The following RTL9 variants were observed in gnomAD, a reference collection of about 807,000 sequenced individuals.
The protein encoded by RTL9 is retrotransposon Gag-like protein 9.
Under a neutral mutation model 44.7 loss-of-function variants are expected in RTL9, and 19 were observed. The observed-to-expected ratio is 0.42, with a 90% confidence interval of 0.30 to 0.62. The LOEUF (loss-of-function observed/expected upper bound fraction) is 0.62, where lower values mean the gene tolerates loss of function less well. Among genes scored for constraint, RTL9 ranks in the 20% least tolerant of loss-of-function variants. The pLI, the probability that RTL9 is intolerant of heterozygous loss-of-function variation, is 0.16. For synonymous variants in RTL9, 407 were observed against 398.9 expected (o/e 1.02, Z -0.24); for missense variants, 1,105 against 1,080.6 (o/e 1.02, Z -0.32).
At chrX:110,452,286 A>G in exon 1 of RTL9, 2 of 1,211,632 alleles carry the variant, frequency 1.7e-6, no homozygotes, top group Non-Finnish European at 2.2e-6. Flanking sequence ...AATGAGAACC[A>G]TGGCCTCAGG....
At chrX:110,378,516 C>G (rs2068395107) in intron 1 of RTL9, among the ~76,000 whole-genome samples, 1 of 112,123 alleles carries the variant, frequency 8.9e-6, no homozygotes, top group Admixed American at 9.4e-5. Flanking sequence ...CTCATCCTGG[C>G]ATTCGAAGCT....
At chrX:110,417,202 C>T (rs916731495), upstream of RTL9, among the ~76,000 whole-genome samples, 1 of 112,281 alleles carries the variant, frequency 8.9e-6, no homozygotes, top group Non-Finnish European at 1.9e-5. Flanking sequence ...CCTCATTCCC[C>T]AGAGCCAGGC....
At chrX:110,399,198 G>T (rs1266455268) in intron 1 of RTL9, among the ~76,000 whole-genome samples, 1 of 112,429 alleles carries the variant, frequency 8.9e-6, no homozygotes, top group Non-Finnish European at 1.9e-5. Flanking sequence ...ACTCTCCTAA[G>T]CACATTCCAC....
intron 1 of RTL9, among the ~76,000 whole-genome samples, chrX:110,378,698 C>G (rs934243265): frequency 3.6e-5 from 4 of 112,025 alleles, no homozygotes; most frequent in African/African-American, 1.3e-4. Flanking sequence ...ACAGAGATCT[C>G]CGTTCATCAG....
intron 1 of RTL9, among the ~76,000 whole-genome samples, chrX:110,433,224 AC>A (rs1297583039): frequency 8.9e-6 from 1 of 112,617 alleles, no homozygotes; most frequent in Non-Finnish European, 1.9e-5. Context: ...CTATGTGCCC[AC>A]CACTGTGCTG....
intron 1 of RTL9, among the ~76,000 whole-genome samples, chrX:110,387,857 CTTTTT>C (rs57937918): frequency 1.2e-5 from 1 of 82,808 alleles, no homozygotes; most frequent in African/African-American, 5.3e-5. Context: ...CTCCCTCTCT[CTTTTT>C]TTTTTTTTTT....
Position 110,443,899 on chromosome X carries a change from G to T in RTL9, c.-167-1254G>T, listed in dbSNP as rs772472958. ...CATAGAGGTTCTTCTCAGCCCCAGA[G>T]AATTTGTGTAAGAATCCTGTCCATG... On this transcript the variant is annotated intron_variant, in intron 1 of 3. Coordinates refer to the RTL9 transcript ENST00000465301. 3.6e-5 allele frequency among the ~76,000 whole-genome samples: 4 copies of T among 112,376 alleles called. No homozygotes were observed. In the South Asian group the frequency reaches 1.5e-3, roughly 42 times the overall value.
chrX:110,404,050 C>T (rs1013874538), intron 1 of RTL9, among the ~76,000 whole-genome samples: 10 of 112,465 alleles, frequency 8.9e-5, no homozygotes, highest in Non-Finnish European at 1.7e-4. Flanking sequence ...GAATGAAGAA[C>T]GAACAGTCTT....
At chrX:110,367,841 C>T (rs775584841) in intron 1 of RTL9, among the ~76,000 whole-genome samples, 1 of 109,961 alleles carries the variant, frequency 9.1e-6, no homozygotes, top group South Asian at 3.9e-4. Flanking sequence ...CAGCATCTCA[C>T]ACTGTCACCC....
At chrX:110,416,006 CAAA>C (rs58422043), upstream of RTL9, among the ~76,000 whole-genome samples, 671 of 74,363 alleles carry the variant, frequency 9.0e-3, 5 homozygotes, top group African/African-American at 0.029. Context: ...CCAGAAGAGG[CAAA>C]AAAAAAAAAA....
chrX:110,452,476 C>T, exon 1 of RTL9: 2 of 1,211,616 alleles, frequency 1.7e-6, no homozygotes, highest in Non-Finnish European at 1.1e-6. Flanking sequence ...CCACTAATGA[C>T]ACCCAAAGCC....
chrX:110,399,427 G>A (rs761290554), intron 1 of RTL9, among the ~76,000 whole-genome samples: 3 of 112,378 alleles, frequency 2.7e-5, no homozygotes, highest in Non-Finnish European at 3.8e-5. Context: ...TTGAATTTGC[G>A]CTCACAGCAG....
At chrX:110,433,282 A>G (rs1240174766) in intron 1 of RTL9, among the ~76,000 whole-genome samples, 1 of 112,563 alleles carries the variant, frequency 8.9e-6, no homozygotes, top group Non-Finnish European at 1.9e-5. Context: ...CCGTATCCTC[A>G]AAGAAGTGAT....
At chrX:110,452,479 C>A in exon 1 of RTL9, 1 of 1,211,603 alleles carries the variant, frequency 8.3e-7, no homozygotes, top group Non-Finnish European at 1.1e-6. Flanking sequence ...CTAATGACAC[C>A]CAAAGCCTCA....
chrX:110,405,097 C>CA (rs1463304651), intron 1 of RTL9, among the ~76,000 whole-genome samples: 1 of 101,211 alleles, frequency 9.9e-6, no homozygotes, highest in African/African-American at 3.6e-5. Flanking sequence ...GTCCCCCCCC[C>CA]CCCCAAGCAT....
At chrX:110,383,933 G>A (rs886844090) in intron 1 of RTL9, among the ~76,000 whole-genome samples, 1 of 111,694 alleles carries the variant, frequency 9.0e-6, no homozygotes, top group East Asian at 2.8e-4. Flanking sequence ...CAATTACTTC[G>A]CCTTTCTTTG....
At chrX:110,398,617 CACAGCAGAAGAA>C (rs2068543698) in intron 1 of RTL9, among the ~76,000 whole-genome samples, 1 of 111,799 alleles carries the variant, frequency 8.9e-6, no homozygotes, top group Admixed American at 9.5e-5. Context: ...AGAACTAGGA[CACAGCAGAAGAA>C]ACAGGCATAA....
chrX:110,361,528 ACACT>A (rs777202144), intron 1 of RTL9, among the ~76,000 whole-genome samples: 3 of 111,334 alleles, frequency 2.7e-5, no homozygotes, highest in Non-Finnish European at 5.6e-5. Flanking sequence ...TTCCCATCTG[ACACT>A]CAGTAACAAC....
intron 1 of RTL9, among the ~76,000 whole-genome samples, chrX:110,442,529 T>G (rs905795786): frequency 8.1e-5 from 9 of 111,161 alleles, no homozygotes; most frequent in African/African-American, 3.0e-4. Flanking sequence ...TTATATCTTG[T>G]TTTTTCCTTG....
Sources: allele counts gnomAD v4.1 joint callset (sites outside exome capture counted in the v4.1 genomes callset), GRCh38; gene constraint gnomAD v4.1.1; transcripts MANE v1.5; gene names NCBI Gene and HGNC (gene_info 2026-07-23, HGNC 2026-07-21).